Variants in ANK3 observed in about 807,000 individuals in gnomAD.
ANK3 encodes ankyrin 3.
ANK3 carries 57 observed loss-of-function variants against 370.9 expected under a neutral mutation model. The observed-to-expected ratio is 0.15, with a 90% CI of 0.12 to 0.19. The LOEUF (loss-of-function observed/expected upper bound fraction) is 0.19. Among genes scored for constraint, ANK3 ranks in the 10% least tolerant of loss-of-function variants. The pLI, the probability that ANK3 is intolerant of heterozygous loss-of-function variation, is 1.00. For missense variants in ANK3, 4,439 were observed against 5,302.1 expected (o/e 0.84, Z 5.06); for synonymous variants, 1,929 against 1,946.3 (o/e 0.99, Z 0.23).
chr10:60,709,819 C>A (rs558168333), intron 1 of ANK3, among the ~76,000 whole-genome samples: 3 of 148,920 alleles, frequency 2.0e-5, no homozygotes, highest in East Asian at 2.0e-4. Flanking sequence ...CAGAGTGAGA[C>A]CCCATCTCAA....
At chr10:60,460,293 G>A (rs2064850837) in intron 2 of ANK3, among the ~76,000 whole-genome samples, 2 of 152,292 alleles carry the variant, frequency 1.3e-5, no homozygotes, top group South Asian at 4.1e-4. Flanking sequence ...CAATGACTCA[G>A]CTGATGAAGA....
intron 2 of ANK3, among the ~76,000 whole-genome samples, chr10:60,429,014 G>A (rs2063953207): frequency 1.4e-5 from 2 of 142,966 alleles, no homozygotes; most frequent in South Asian, 4.4e-4. Context: ...TATGTATTTG[G>A]AGCCCAAAAG....
At position 60,181,380 on chromosome 10, in the gene ANK3, A is replaced by G. The variant is rs1284624786; in HGVS notation, c.2133T>C (p.Asn711=). ...LHLAAQEDRV[N]VAEVLVNQGA... ...CTTGGTTTACGAGGACTTCTGCCACATTCACTCGATCTTCTTGAGCAGCCA... is the reference window on the plus strand; with the variant it reads ...CTTGGTTTACGAGGACTTCTGCCACGTTCACTCGATCTTCTTGAGCAGCCA... Residue 711 remains asparagine (N), a synonymous_variant, in exon 18 of 44, where the codon AAT becomes AAC. Coordinates refer to ENST00000280772, the MANE Select transcript of ANK3 (RefSeq NM_020987.5). 1.2e-6 allele frequency: 2 copies of G among 1,614,028 alleles called. No individual in the cohort carries two copies. Among genetic ancestry groups the G allele is most frequent in the Admixed American group, 3.3e-5 (2 of 59,998 alleles).
chr10:60,117,642 C>A lies in ANK3; in HGVS notation c.2842-3311G>T, dbSNP rs573792334. ...GACCAGCCTGGCCAACATGGTGAAACCCCTTCTCTACTAAAAATACAAAAA... is the reference window on the plus strand; with the variant it reads ...GACCAGCCTGGCCAACATGGTGAAAACCCTTCTCTACTAAAAATACAAAAA... On this transcript the variant is annotated intron_variant, in intron 25 of 43. Transcript: ENST00000280772. 9.2e-5 allele frequency among the ~76,000 whole-genome samples: 14 copies of A among 152,160 alleles called. No individual in the cohort carries two copies. In the East Asian group the frequency reaches 2.3e-3, roughly 25 times the overall value.
intron 1 of ANK3, among the ~76,000 whole-genome samples, chr10:60,722,102 C>T (rs896012854): frequency 3.3e-5 from 5 of 151,882 alleles, no homozygotes; most frequent in Non-Finnish European, 4.4e-5. Context: ...AGTGGACATC[C>T]GCACCAACCT....
intron 2 of ANK3, among the ~76,000 whole-genome samples, chr10:60,399,937 C>T (rs746574133): frequency 6.6e-6 from 1 of 151,762 alleles, no homozygotes; most frequent in African/African-American, 2.4e-5. Context: ...TTGCATTAGC[C>T]CTTTTCTAGA....
At chr10:60,227,180 C>A (rs1045660041) in intron 8 of ANK3, among the ~76,000 whole-genome samples, 1 of 151,548 alleles carries the variant, frequency 6.6e-6, no homozygotes, top group Admixed American at 6.6e-5. Flanking sequence ...ATATAAATAC[C>A]TTTTTTACTA....
chr10:60,501,435 C>T (rs113025171), intron 2 of ANK3, among the ~76,000 whole-genome samples: 2,807 of 152,198 alleles, frequency 0.018, 103 homozygotes, highest in African/African-American at 0.064. Flanking sequence ...CCGGGTGCAG[C>T]GGCTCACGCC....
chr10:60,286,858 A>G (rs2040135494), intron 1 of ANK3, among the ~76,000 whole-genome samples: 1 of 152,232 alleles, frequency 6.6e-6, no homozygotes, highest in South Asian at 2.1e-4. Flanking sequence ...CTTTAAAAAT[A>G]AATGCTTGGC....
intron 41 of ANK3, among the ~76,000 whole-genome samples, chr10:60,059,069 A>G (rs2079795421): frequency 6.6e-6 from 1 of 152,250 alleles, no homozygotes; most frequent in African/African-American, 2.4e-5. Flanking sequence ...AATAAAGTAG[A>G]AAAGAATAGT....
At chr10:60,048,615 C>T (rs1221684450) in intron 42 of ANK3, among the ~76,000 whole-genome samples, 1 of 152,066 alleles carries the variant, frequency 6.6e-6, no homozygotes, top group Non-Finnish European at 1.5e-5. Flanking sequence ...ACTTATAATA[C>T]CTAATATAAT....
At chr10:60,482,959 T>C (rs2075262261) in intron 2 of ANK3, among the ~76,000 whole-genome samples, 1 of 152,224 alleles carries the variant, frequency 6.6e-6, no homozygotes, top group Admixed American at 6.5e-5. Context: ...AAGCACAGGA[T>C]TTTCTAAATG....
At chr10:60,480,824 T>C (rs1250572041) in intron 2 of ANK3, among the ~76,000 whole-genome samples, 1 of 152,224 alleles carries the variant, frequency 6.6e-6, no homozygotes, top group Non-Finnish European at 1.5e-5. Context: ...ACTCTGATAG[T>C]AATGCCCTTT....
intron 2 of ANK3, among the ~76,000 whole-genome samples, chr10:60,585,900 T>C (rs2077824453): frequency 6.6e-6 from 1 of 152,108 alleles, no homozygotes; most frequent in South Asian, 2.1e-4. Context: ...GGCGGGTACC[T>C]GTAATCCCAG....
intron 2 of ANK3, among the ~76,000 whole-genome samples, chr10:60,589,617 C>T (rs2077881769): frequency 6.6e-6 from 1 of 152,138 alleles, no homozygotes; most frequent in Non-Finnish European, 1.5e-5. Flanking sequence ...AAGAGAGCGC[C>T]TTAATCTCCA....
intron 1 of ANK3, among the ~76,000 whole-genome samples, chr10:60,692,547 G>C (rs1176139866): frequency 6.6e-6 from 1 of 152,144 alleles, no homozygotes; most frequent in Non-Finnish European, 1.5e-5. Context: ...CATAATTCCT[G>C]TCTGCCCAAT....
rs373826882 is a variant in ANK3 at position 60,080,588 on chromosome 10, C to A, written c.4381G>T (p.Ala1461Ser). 1 of 1,605,522 alleles carries A rather than the reference C, an allele frequency of 6.2e-7. No individual in the cohort carries two copies. Among genetic ancestry groups the A allele is most frequent in the African/African-American group, 1.3e-5 (1 of 74,294 alleles). Residue 1461 changes from alanine to serine, a missense_variant, in exon 36 of 44, where the codon GCA becomes TCA. Physicochemically the swap from Ala to Ser is moderately conservative, Grantham distance 99 (BLOSUM62 1). This residue lies in a region of ANK3 where 679 missense variants were observed against 791.0 expected (regional missense o/e 0.86). Coordinates refer to ENST00000280772, the MANE Select transcript of ANK3 (RefSeq NM_020987.5). ...IEKTDRRQSF[A>S]SLALRKRYSY... ...TAGCGCTTACGTAAAGCTAAGGATG[C>A]GAAGCTCTGTCGTCTATCTGTTTTC...
chr10:60,437,870 A>G (rs2064197866), intron 2 of ANK3, among the ~76,000 whole-genome samples: 1 of 152,224 alleles, frequency 6.6e-6, no homozygotes, highest in Non-Finnish European at 1.5e-5. Flanking sequence ...CTTGATTTGA[A>G]GTCTGCCTCC....
chr10:60,538,088 G>A (rs1334520887), intron 2 of ANK3, among the ~76,000 whole-genome samples: 2 of 151,954 alleles, frequency 1.3e-5, no homozygotes, highest in East Asian at 3.9e-4. Flanking sequence ...TTAATTTTGT[G>A]TTATTCCATA....
Sources: allele counts gnomAD v4.1 joint callset (sites outside exome capture counted in the v4.1 genomes callset), GRCh38; gene constraint gnomAD v4.1.1; regional missense constraint gnomAD v4.1.1; transcripts MANE v1.5; gene names NCBI Gene and HGNC (gene_info 2026-07-23, HGNC 2026-07-21).